The following ZZZ3 variants were observed in gnomAD, a reference collection of about 807,000 sequenced individuals.
ZZZ3 encodes zinc finger ZZ-type containing 3.
ZZZ3 carries 22 observed loss-of-function variants against 95.2 expected under a neutral mutation model. The ratio of observed to expected loss-of-function variants is 0.23; its 90% confidence interval spans 0.17 to 0.33. The LOEUF is 0.33. Among genes scored for constraint, ZZZ3 ranks in the 10% least tolerant of loss-of-function variants. ZZZ3 has a pLI of 1.00. For missense variants in ZZZ3, 885 were observed against 1,066.5 expected, an observed-to-expected ratio of 0.83 and a Z score of 2.37; for synonymous variants, 335 against 358.9, an observed-to-expected ratio of 0.93 and a Z score of 0.75.
At chr1:77,664,918 A>C (rs1671122841) in intron 1 of ZZZ3, among the ~76,000 whole-genome samples, 1 of 152,170 alleles carries the variant, frequency 6.6e-6, no homozygotes, top group Non-Finnish European at 1.5e-5. Context: ...ACAATCTCCA[A>C]AACTACTGGT....
At chr1:77,625,988 C>A (rs2100814071) in intron 5 of ZZZ3, among the ~76,000 whole-genome samples, 1 of 151,364 alleles carries the variant, frequency 6.6e-6, no homozygotes, top group African/African-American at 2.4e-5. Context: ...CAGAGTGAGA[C>A]CCTGTCTCAA....
intron 1 of ZZZ3, among the ~76,000 whole-genome samples, chr1:77,646,598 T>C (rs1207390368): frequency 6.6e-6 from 1 of 152,122 alleles, no homozygotes; most frequent in African/African-American, 2.4e-5. Flanking sequence ...CTAAAATTCT[T>C]CCAAGAGACT....
intron 6 of ZZZ3, among the ~76,000 whole-genome samples, chr1:77,582,411 C>T (rs929023638): frequency 6.6e-6 from 1 of 152,068 alleles, no homozygotes; most frequent in Non-Finnish European, 1.5e-5. Flanking sequence ...AAACTAACAA[C>T]CCATAAATGT....
chr1:77,658,849 A>G (rs1441745698), intron 1 of ZZZ3, among the ~76,000 whole-genome samples: 3 of 152,232 alleles, frequency 2.0e-5, no homozygotes, highest in Non-Finnish European at 4.4e-5. Flanking sequence ...ATTGGGTCAC[A>G]GCATATAAAT....
intron 5 of ZZZ3, among the ~76,000 whole-genome samples, chr1:77,586,132 T>C (rs1292869743): frequency 1.3e-5 from 2 of 152,198 alleles, no homozygotes; most frequent in Admixed American, 6.5e-5. Flanking sequence ...GTACAAATAC[T>C]GTCTCAGCTG....
chr1:77,621,750 G>A (rs1447784103), intron 5 of ZZZ3, among the ~76,000 whole-genome samples: 1 of 151,936 alleles, frequency 6.6e-6, no homozygotes, highest in Non-Finnish European at 1.5e-5. Flanking sequence ...CCAGGAAATC[G>A]AGGCTGCGGT....
chr1:77,609,730 A>G (rs1665593910), intron 5 of ZZZ3, among the ~76,000 whole-genome samples: 1 of 152,278 alleles, frequency 6.6e-6, no homozygotes, highest in Admixed American at 6.5e-5. Context: ...ATCAGTAAAA[A>G]GAGGATTTTG....
At position 77,653,492 on chromosome 1, in the gene ZZZ3, G is replaced by C. The variant is rs139082650; in HGVS notation, c.-402-11837C>G. 4.6e-5 allele frequency among the ~76,000 whole-genome samples: 7 copies of C among 152,292 alleles called. No homozygotes were observed. In the East Asian group the frequency reaches 7.7e-4, roughly 17 times the overall value. On this transcript the variant is annotated intron_variant, in intron 1 of 14. Coordinates refer to ENST00000370801, the MANE Select transcript of ZZZ3 (RefSeq NM_015534.6). ...GAATCGGCCAGGCGCGATGGCTCAC[G>C]CCTGTAATCCCAACACTTTGTGAGG...
intron 1 of ZZZ3, chr1:77,645,282 TA>T (rs1210636233): frequency 6.6e-6 from 1 of 152,198 alleles, no homozygotes; most frequent in Non-Finnish European, 1.5e-5. Flanking sequence ...TCAGTGTTCA[TA>T]AGCATTAAAT....
chr1:77,597,204 G>A (rs1340158314), intron 5 of ZZZ3, among the ~76,000 whole-genome samples: 1 of 151,944 alleles, frequency 6.6e-6, no homozygotes, highest in East Asian at 1.9e-4. Context: ...CCAATAGAAA[G>A]GTTCCCAACA....
chr1:77,592,378 C>T (rs565923306), intron 5 of ZZZ3, among the ~76,000 whole-genome samples: 11 of 152,360 alleles, frequency 7.2e-5, no homozygotes, highest in Admixed American at 3.9e-4. Context: ...TCTCAGCTCA[C>T]TGCAACCTCC....
chr1:77,635,859 T>G (rs1376008320), intron 4 of ZZZ3, among the ~76,000 whole-genome samples: 2 of 152,004 alleles, frequency 1.3e-5, no homozygotes, highest in African/African-American at 4.8e-5. Context: ...TGAGCCGAGA[T>G]CGCGCCACTG....
intron 1 of ZZZ3, among the ~76,000 whole-genome samples, chr1:77,658,840 T>C (rs1232962321): frequency 3.9e-5 from 6 of 152,218 alleles, no homozygotes; most frequent in Admixed American, 6.5e-5. Context: ...AACAGACTTA[T>C]TGGGTCACAG....
intron 12 of ZZZ3, among the ~76,000 whole-genome samples, chr1:77,572,907 C>T (rs995560355): frequency 5.3e-5 from 8 of 151,584 alleles, no homozygotes; most frequent in East Asian, 2.0e-4. Context: ...CAGCTTCCAA[C>T]AGTACTAGGA....
chr1:77,629,073 G>A (rs1450914311), intron 5 of ZZZ3, among the ~76,000 whole-genome samples: 1 of 152,128 alleles, frequency 6.6e-6, no homozygotes, highest in African/African-American at 2.4e-5. Flanking sequence ...CACCAGACAG[G>A]TGTCATGATG....
At chr1:77,657,496 CAG>C (rs1453880335) in intron 1 of ZZZ3, among the ~76,000 whole-genome samples, 1 of 152,098 alleles carries the variant, frequency 6.6e-6, no homozygotes, top group African/African-American at 2.4e-5. Context: ...AACAAGGCAG[CAG>C]AGAGTCATTT....
intron 1 of ZZZ3, among the ~76,000 whole-genome samples, chr1:77,666,157 A>AGCAGTAGCAGT (rs1305947618): frequency 2.0e-5 from 3 of 152,258 alleles, no homozygotes; most frequent in Non-Finnish European, 4.4e-5. Flanking sequence ...TAAGTTAAGC[A>AGCAGTAGCAGT]GCAGTAGCAG....
At chr1:77,615,343 G>A (rs1298842278) in intron 5 of ZZZ3, among the ~76,000 whole-genome samples, 1 of 152,216 alleles carries the variant, frequency 6.6e-6, no homozygotes, top group Non-Finnish European at 1.5e-5. Context: ...ACAATATTCT[G>A]AATCTTTAAA....
intron 5 of ZZZ3, among the ~76,000 whole-genome samples, chr1:77,625,063 T>C (rs1356298854): frequency 2.0e-5 from 3 of 152,080 alleles, no homozygotes; most frequent in East Asian, 3.8e-4. Context: ...AGAGTGAGTA[T>C]AGAAGGAAAA....
Sources: allele counts gnomAD v4.1 joint callset (sites outside exome capture counted in the v4.1 genomes callset), GRCh38; gene constraint gnomAD v4.1.1; transcripts MANE v1.5; gene names NCBI Gene and HGNC (gene_info 2026-07-23, HGNC 2026-07-21).